TAOK1: variants seen among roughly 807,000 people sequenced by gnomAD.
The protein encoded by TAOK1 is TAO kinase 1.
In TAOK1, 21 loss-of-function variants were observed where a neutral mutation model predicts 138.3. The observed-to-expected ratio is 0.15, with a 90% CI of 0.11 to 0.22. The LOEUF (loss-of-function observed/expected upper bound fraction) is 0.22, where lower values mean the gene tolerates loss of function less well. Ranked by LOEUF, TAOK1 falls within the 10% of genes least tolerant of loss-of-function variation. The pLI is 1.00. For synonymous variants in TAOK1, 361 were observed against 398.4 expected (o/e 0.91, Z 1.12); for missense variants, 651 against 1,227.7 (o/e 0.53, Z 7.02).
intron 1 of TAOK1, among the ~76,000 whole-genome samples, chr17:29,432,003 C>CGAGACCAGCTCCGTGTGCG (rs1192241609): frequency 2.6e-5 from 4 of 151,836 alleles, no homozygotes; most frequent in Admixed American, 2.6e-4. Flanking sequence ...AGATGGGTGC[C>CGAGACCAGCTCCGTGTGCG]GAGACCAGCT....
intron 1 of TAOK1, among the ~76,000 whole-genome samples, chr17:29,420,127 C>T (rs1288078199): frequency 6.6e-6 from 1 of 151,890 alleles, no homozygotes; most frequent in Non-Finnish European, 1.5e-5. Flanking sequence ...TTACTGCAAC[C>T]TCTGCCTCCT....
intron 1 of TAOK1, among the ~76,000 whole-genome samples, chr17:29,442,829 G>A (rs2029980928): frequency 6.6e-6 from 1 of 152,092 alleles, no homozygotes; most frequent in Admixed American, 6.6e-5. Context: ...GGCTGAGGCG[G>A]GCAGATCACT....
intron 10 of TAOK1, among the ~76,000 whole-genome samples, chr17:29,493,152 A>G (rs538498056): frequency 6.6e-6 from 1 of 152,072 alleles, no homozygotes; most frequent in East Asian, 1.9e-4. Flanking sequence ...AAAAAAAGAA[A>G]GAAAGAAGAA....
In TAOK1 at chr17:29,547,479, T is replaced by C. The variant is rs1482082968; in HGVS notation, c.*4457T>C. ...AGATTTGCCCCAACACATTAACTTT[T>C]TCCTTGGAGATTTATATGGTCCTGC... On this transcript the variant is annotated 3_prime_UTR_variant, in exon 20 of 20. Transcript: ENST00000261716. 6.6e-6 allele frequency: 1 copy of C among 152,160 alleles called. No individual in the cohort carries two copies. Among genetic ancestry groups the C allele is most frequent in the East Asian group, 1.9e-4 (1 of 5,192 alleles). The allele number at this position is 152,160 out of a possible 1,614,324, so 9.4% of individuals were successfully genotyped here.
intron 14 of TAOK1, among the ~76,000 whole-genome samples, chr17:29,510,091 T>G (rs2031694606): frequency 6.7e-6 from 1 of 149,990 alleles, no homozygotes; most frequent in Admixed American, 6.7e-5. Flanking sequence ...TAGAAAAAAT[T>G]AGAGGCCGGG....
chr17:29,415,827 G>GT (rs1441104303), intron 1 of TAOK1, among the ~76,000 whole-genome samples: 1 of 152,178 alleles, frequency 6.6e-6, no homozygotes, highest in Non-Finnish European at 1.5e-5. Context: ...GAAAGCAAGT[G>GT]TTTAAGAACC....
chr17:29,397,684 C>CATGTATATTCATGTATGATACATGTGTAT (rs879487852), intron 1 of TAOK1, among the ~76,000 whole-genome samples: 3 of 128,116 alleles, frequency 2.3e-5, no homozygotes, highest in African/African-American at 9.4e-5. Context: ...TACATGTATA[C>CATGTATATTCATGTATGATACATGTGTAT]ATGTATATTC....
chr17:29,528,968 CTTTTTT>C (rs377040359), intron 17 of TAOK1, among the ~76,000 whole-genome samples: 1 of 126,944 alleles, frequency 7.9e-6, no homozygotes, highest in East Asian at 2.2e-4. Flanking sequence ...GCTTTTATAT[CTTTTTT>C]TTTTTTTTTT....
intron 2 of TAOK1, among the ~76,000 whole-genome samples, chr17:29,463,745 T>C (rs1414076521): frequency 6.6e-6 from 1 of 152,170 alleles, no homozygotes; most frequent in Non-Finnish European, 1.5e-5. Context: ...ATTGGACTTC[T>C]TCAAGATTAA....
intron 1 of TAOK1, among the ~76,000 whole-genome samples, chr17:29,414,911 A>C (rs1905232780): frequency 6.6e-6 from 1 of 151,990 alleles, no homozygotes; most frequent in Non-Finnish European, 1.5e-5. Flanking sequence ...TATGTACCAG[A>C]GTTTGTTTTC....
In TAOK1 at chr17:29,542,515, TTAAAAA is replaced by T. The variant is rs778648576; in HGVS notation, c.2545-42_2545-37del. ...ATTATTGCTTCCTTTCTTTATAGAC[TTAAAAA>T]TAATAAATTGGCTTTCATTTTTCTT... is the stretch of plus-strand genomic sequence containing the variant. On this transcript the variant is annotated intron_variant, in intron 19 of 19. Coordinates refer to ENST00000261716, the MANE Select transcript of TAOK1 (RefSeq NM_020791.4). 1.3e-5 allele frequency: 20 copies of T among 1,499,820 alleles called. No individual in the cohort carries two copies. The Admixed American group carries it at 2.8e-4, about 21-fold the overall frequency. 92.9% of individuals were successfully genotyped at this position (1,499,820 alleles called of 1,614,324 possible).
chr17:29,422,242 C>T (rs1218342320), intron 1 of TAOK1, among the ~76,000 whole-genome samples: 6 of 151,144 alleles, frequency 4.0e-5, no homozygotes, highest in Non-Finnish European at 7.4e-5. Context: ...CTCGCTCTGT[C>T]GCCCAGGCTG....
In TAOK1 at chr17:29,396,157, A is replaced by G. The variant is rs188702892; in HGVS notation, c.-95+5133A>G. Among the ~76,000 whole-genome samples the G allele has an allele frequency of 4.3e-4, 66 of 152,236 alleles. 1 individual carries two copies. Among genetic ancestry groups the G allele is most frequent in the Admixed American group, 2.8e-3 (43 of 15,250 alleles). On this transcript the variant is annotated intron_variant, in intron 1 of 19. Coordinates refer to ENST00000261716, the MANE Select transcript of TAOK1 (RefSeq NM_020791.4). Reference sequence around the variant, plus strand: ...TACCTTCTAAAAATCTACATGAATTAAAAAGTTGTGTGGAGGGACTAGCAG... The same window carrying G: ...TACCTTCTAAAAATCTACATGAATTGAAAAGTTGTGTGGAGGGACTAGCAG...
chr17:29,498,120 C>T (rs1316072718), intron 11 of TAOK1, among the ~76,000 whole-genome samples, 198 bp from the exon 12 acceptor site: 1 of 152,130 alleles, frequency 6.6e-6, no homozygotes, highest in African/African-American at 2.4e-5. Context: ...TTGTGATTTA[C>T]TTGTTGGTCA....
chr17:29,483,125 T>C (rs1312126991), intron 8 of TAOK1, among the ~76,000 whole-genome samples: 1 of 152,216 alleles, frequency 6.6e-6, no homozygotes, highest in Admixed American at 6.5e-5. Context: ...TCACCCAGGC[T>C]GGAGTACAGT....
At chr17:29,442,057 G>A (rs1171243106) in intron 1 of TAOK1, among the ~76,000 whole-genome samples, 2 of 150,016 alleles carry the variant, frequency 1.3e-5, no homozygotes, top group African/African-American at 4.9e-5. Flanking sequence ...CTTTTTTTTT[G>A]TTTGTTTTTT....
At chr17:29,408,599 G>A (rs1022261609) in intron 1 of TAOK1, among the ~76,000 whole-genome samples, 2 of 152,084 alleles carry the variant, frequency 1.3e-5, no homozygotes, top group Admixed American at 1.3e-4. Context: ...ATCAGTGGCT[G>A]TAACAATCAC....
chr17:29,496,424 C>G (rs1040815545), intron 11 of TAOK1, among the ~76,000 whole-genome samples: 2 of 151,576 alleles, frequency 1.3e-5, no homozygotes, highest in Non-Finnish European at 2.9e-5. Context: ...AGCCTGAGCC[C>G]TTTTTTGACT....
chr17:29,517,601 T>G lies in TAOK1; in HGVS notation c.1853T>G (p.Phe618Cys). 5 of 1,613,570 alleles carry G rather than the reference T, an allele frequency of 3.1e-6. No homozygotes were observed. Among genetic ancestry groups the G allele is most frequent in the Non-Finnish European group, 4.2e-6 (5 of 1,180,016 alleles). Residue 618 changes from phenylalanine (F) to cysteine (C), a missense_variant, in exon 16 of 20, where the codon TTC (phenylalanine) becomes TGC (cysteine). Physicochemically the swap from Phe to Cys is radical, Grantham distance 205 (BLOSUM62 -2). Transcript: ENST00000261716. ...RQYLELECRR[F>C]KRRMLLGRHN... ...TACCTAGAGCTGGAATGCCGTCGCT[T>G]CAAGAGAAGAATGTTACTTGGGCGT...
Sources: allele counts gnomAD v4.1 joint callset (sites outside exome capture counted in the v4.1 genomes callset), GRCh38; gene constraint gnomAD v4.1.1; transcripts MANE v1.5; gene names NCBI Gene and HGNC (gene_info 2026-07-23, HGNC 2026-07-21).